MALRD1: variants seen among roughly 807,000 people sequenced by gnomAD.
MALRD1 encodes the protein MAM and LDL-receptor class A domain-containing protein 1.
MALRD1 carries 247 observed loss-of-function variants against 242.1 expected under a neutral mutation model. That is an observed-to-expected ratio of 1.02 (90% CI 0.92 to 1.13). MALRD1 has a LOEUF of 1.13. MALRD1 is among the 50% of genes most tolerant of loss of function. The pLI is 0.00. For synonymous variants in MALRD1, 995 were observed against 866.6 expected, an observed-to-expected ratio of 1.15 and a Z score of -2.60; for missense variants, 2,989 against 2,533.1, an observed-to-expected ratio of 1.18 and a Z score of -3.86.
At chr10:19,302,074 C>T (rs1401363328) in intron 21 of MALRD1, among the ~76,000 whole-genome samples, 1 of 151,782 alleles carries the variant, frequency 6.6e-6, no homozygotes, top group African/African-American at 2.4e-5. Context: ...CACTTCACAT[C>T]CACTAGGATG....
At position 19,387,553 on chromosome 10, in the gene MALRD1, A is replaced by G. The variant is rs1292854952; in HGVS notation, c.4467A>G (p.Glu1489=). The change falls in exon 27 of 40, where the codon GAA becomes GAG. Residue 1489 remains glutamate (E), a synonymous_variant. Coordinates refer to ENST00000454679, the MANE Select transcript of MALRD1 (RefSeq NM_001142308.3). ...GTTTCTGCCCACTTGGCTATAGGGA[A>G]TGTCATAATGGAAAATGCTATAGGC... The part of the protein sequence containing the change: ...PTGFCPLGYR[E]CHNGKCYRLE... 4 of 1,550,186 alleles carry G rather than the reference A, an allele frequency of 2.6e-6. No individual in the cohort carries two copies. The highest frequency in any genetic ancestry group is 2.6e-6 in the Non-Finnish European group (3 of 1,146,842).
intron 36 of MALRD1, among the ~76,000 whole-genome samples, chr10:19,617,944 C>T (rs2131615451): frequency 6.6e-6 from 1 of 152,100 alleles, no homozygotes; most frequent in Middle Eastern, 3.4e-3. Context: ...AAGCCTAGTA[C>T]TCATTTTTTA....
chr10:19,710,518 G>T (rs1834058710), intron 38 of MALRD1: 1 of 151,946 alleles, frequency 6.6e-6, no homozygotes, highest in Non-Finnish European at 1.5e-5. Context: ...ATTGAATAAT[G>T]CACACTTCTT....
chr10:19,702,391 A>G (rs1012936308), intron 38 of MALRD1, among the ~76,000 whole-genome samples: 2 of 152,100 alleles, frequency 1.3e-5, no homozygotes, highest in African/African-American at 4.8e-5. Context: ...ATACCAGGCA[A>G]ATATTTCCTG....
At chr10:19,136,051 T>G (rs1588597554) in intron 9 of MALRD1, among the ~76,000 whole-genome samples, 1 of 152,264 alleles carries the variant, frequency 6.6e-6, no homozygotes, top group African/African-American at 2.4e-5. Context: ...TTACATTTTT[T>G]TATTCCTATA....
At chr10:19,144,249 C>G (rs1171270542) in intron 10 of MALRD1, among the ~76,000 whole-genome samples, 1 of 152,100 alleles carries the variant, frequency 6.6e-6, no homozygotes, top group Admixed American at 6.5e-5. Context: ...AACTTGAGCC[C>G]TGGGGAAAAG....
At chr10:19,481,291 C>G (rs1463305580) in intron 29 of MALRD1, among the ~76,000 whole-genome samples, 1 of 152,176 alleles carries the variant, frequency 6.6e-6, no homozygotes, top group Non-Finnish European at 1.5e-5. Context: ...GTTACAGTTT[C>G]AGACGTGTTG....
intron 28 of MALRD1, among the ~76,000 whole-genome samples, chr10:19,422,233 C>A (rs907418681): frequency 6.6e-6 from 1 of 152,182 alleles, no homozygotes; most frequent in Non-Finnish European, 1.5e-5. Flanking sequence ...AGATGGAATG[C>A]CACTTTGCAG....
Position 19,136,704 on chromosome 10 carries a change from A to G in MALRD1, c.1334A>G (p.Gln445Arg). 8.1e-7 allele frequency: 1 copy of G among 1,231,742 alleles called. No individual in the cohort carries two copies. The highest frequency in any genetic ancestry group is 1.0e-6 in the Non-Finnish European group (1 of 987,990). The allele number at this position is 1,231,742 out of a possible 1,614,324, so 76.3% of individuals were successfully genotyped here. Reference protein sequence around the residue: ...SADEFPCTSGQCIAKESVCDS... With the variant: ...SADEFPCTSGRCIAKESVCDS... ...GACGAATTCCCTTGCACTAGTGGCC[A>G]GTGCATCGCCAAAGAATCTGTCTGT... Residue 445 changes from glutamine to arginine, a missense_variant, in exon 10 of 40, where the codon CAG becomes CGG. By Grantham distance (43) the Gln-to-Arg change is conservative. Transcript: ENST00000454679.
At chr10:19,620,531 A>T (rs1299401441) in intron 36 of MALRD1, among the ~76,000 whole-genome samples, 1 of 152,054 alleles carries the variant, frequency 6.6e-6, no homozygotes, top group Non-Finnish European at 1.5e-5. Context: ...GTAACCTGGA[A>T]ATTGTATCTT....
chr10:19,714,399 A>G (rs1273313076), intron 38 of MALRD1, among the ~76,000 whole-genome samples: 1 of 151,744 alleles, frequency 6.6e-6, no homozygotes, highest in Non-Finnish European at 1.5e-5. Flanking sequence ...GCTTCTGCTG[A>G]TGTCTGTTTG....
At chr10:19,336,022 T>G (rs1843598582) in intron 24 of MALRD1, among the ~76,000 whole-genome samples, 1 of 151,696 alleles carries the variant, frequency 6.6e-6, no homozygotes, top group Admixed American at 6.6e-5. Flanking sequence ...CATTCACAAC[T>G]GCTACAAAGA....
chr10:19,607,893 A>C lies in MALRD1; in HGVS notation c.6061A>C (p.Ser2021Arg). 1 of 1,549,716 alleles carries C rather than the reference A, an allele frequency of 6.5e-7. No individual in the cohort carries two copies. The highest frequency in any genetic ancestry group is 8.7e-7 in the Non-Finnish European group (1 of 1,146,466). Residue 2021 changes from serine (S) to arginine (R), a missense_variant, in exon 35 of 40, where the codon AGC becomes CGC. Coordinates refer to ENST00000454679, the MANE Select transcript of MALRD1 (RefSeq NM_001142308.3). ...DCMDFQLDES[S>R]CSECPLNYCR... Reference sequence around the variant, plus strand: ...CATGGATTTCCAGCTTGATGAGTCCAGCTGCTCCGGTACCCCATTTCCATT... The same window carrying C: ...CATGGATTTCCAGCTTGATGAGTCCCGCTGCTCCGGTACCCCATTTCCATT...
At chr10:19,711,682 G>T (rs1397289252) in intron 38 of MALRD1, among the ~76,000 whole-genome samples, 2 of 152,234 alleles carry the variant, frequency 1.3e-5, no homozygotes, top group South Asian at 4.1e-4. Context: ...GTGTATATGT[G>T]TGTGGCACAG....
intron 32 of MALRD1, among the ~76,000 whole-genome samples, chr10:19,565,776 A>C (rs79141283): frequency 0.014 from 2,154 of 152,278 alleles, 24 homozygotes; most frequent in Middle Eastern, 0.058. Flanking sequence ...ATCAACATTA[A>C]AAGTAATTTT....
intron 32 of MALRD1, among the ~76,000 whole-genome samples, chr10:19,533,971 G>T (rs1319556473): frequency 6.6e-6 from 1 of 152,188 alleles, no homozygotes; most frequent in Non-Finnish European, 1.5e-5. Context: ...ATTACAAGTT[G>T]TAGGAACATA....
chr10:19,527,022 A>T (rs879698316), intron 31 of MALRD1, among the ~76,000 whole-genome samples: 6 of 152,134 alleles, frequency 3.9e-5, no homozygotes, highest in Non-Finnish European at 7.4e-5. Context: ...GAAAATAACT[A>T]TGGCTATTTA....
At chr10:19,438,938 C>A (rs1209322546) in intron 28 of MALRD1, among the ~76,000 whole-genome samples, 1 of 152,144 alleles carries the variant, frequency 6.6e-6, no homozygotes, top group African/African-American at 2.4e-5. Context: ...ATCCAAGATT[C>A]ACTGGCAACC....
intron 21 of MALRD1, among the ~76,000 whole-genome samples, chr10:19,307,055 C>A (rs1842243837): frequency 6.6e-6 from 1 of 151,458 alleles, no homozygotes; most frequent in East Asian, 1.9e-4. Context: ...TGACAGAGAC[C>A]TTGGAATTGT....
Sources: gnomAD v4.1 joint callset for allele counts (sites outside exome capture counted in the v4.1 genomes callset) on GRCh38, gnomAD v4.1.1 for gene constraint, MANE v1.5 for transcripts, NCBI Gene and HGNC (gene_info 2026-07-23, HGNC 2026-07-21) for gene names.